KANSL1: variants seen among roughly 807,000 people sequenced by gnomAD.
The protein encoded by KANSL1 is MLL1/MLL complex subunit KANSL1.
In KANSL1, 22 loss-of-function variants were observed where a neutral mutation model predicts 103.6. That is an observed-to-expected ratio of 0.21 (90% CI 0.15 to 0.30). The LOEUF (loss-of-function observed/expected upper bound fraction) is 0.30. KANSL1 is among the 10% of genes least tolerant of loss of function. The probability of loss-of-function intolerance (pLI) is 1.00; values close to 1 mark genes in which losing one functional copy is unlikely to be tolerated. For synonymous variants in KANSL1, 600 were observed against 527.6 expected (o/e 1.14, Z -1.88); for missense variants, 1,337 against 1,399.8 (o/e 0.96, Z 0.72).
chr17:46,211,003 G>C (rs1019049740), intron 1 of KANSL1, among the ~76,000 whole-genome samples: 13 of 152,040 alleles, frequency 8.6e-5, no homozygotes, highest in Non-Finnish European at 1.9e-4. Flanking sequence ...TAACTAAAAA[G>C]GTGGTTCTTA....
chr17:46,066,548 G>C lies in KANSL1; in HGVS notation c.1837C>G (p.Leu613Val). 6.2e-7 allele frequency: 1 copy of C among 1,611,728 alleles called. No homozygotes were observed. Among genetic ancestry groups the C allele is most frequent in the Non-Finnish European group, 8.5e-7 (1 of 1,178,586 alleles). ...RLVRPNSIVPLSKKVHRNSTI... is the reference protein window; with the variant it reads ...RLVRPNSIVPVSKKVHRNSTI... ...TCATCTGTACCGACCTTCTTGGAAA[G>C]AGGAACGATGCTGTTGGGTCGAACA... The change falls in exon 6 of 15, where the codon CTT becomes GTT. Residue 613 changes from leucine to valine, a missense_variant. Leu to Val is a conservative substitution (Grantham distance 32). Transcript: ENST00000432791.
intron 1 of KANSL1, among the ~76,000 whole-genome samples, chr17:46,184,126 C>T: frequency 6.6e-6 from 1 of 152,108 alleles, no homozygotes; most frequent in East Asian, 1.9e-4. Context: ...ATGCCAGATA[C>T]AAGATAGTAA....
intron 1 of KANSL1, among the ~76,000 whole-genome samples, chr17:46,208,208 AT>A (rs1232656563): frequency 6.6e-6 from 1 of 152,232 alleles, no homozygotes; most frequent in African/African-American, 2.4e-5. Flanking sequence ...CATGCTATCA[AT>A]TTGCACCAAA....
intron 6 of KANSL1, among the ~76,000 whole-genome samples, chr17:46,060,939 A>G (rs2078137166): frequency 6.6e-6 from 1 of 152,232 alleles, no homozygotes; most frequent in African/African-American, 2.4e-5. Context: ...TATGACAACA[A>G]GGACTACAAA....
chr17:46,185,730 C>T (rs2047000383), intron 1 of KANSL1, among the ~76,000 whole-genome samples: 1 of 146,918 alleles, frequency 6.8e-6, no homozygotes, highest in African/African-American at 2.5e-5. Context: ...CACACACACA[C>T]ACACGGATAG....
chr17:46,198,239 TC>T (rs2047677903), upstream of KANSL1, among the ~76,000 whole-genome samples: 2 of 152,104 alleles, frequency 1.3e-5, no homozygotes, highest in Admixed American at 1.3e-4. Context: ...CGTATTCTGC[TC>T]TGTAAAATGG....
At chr17:46,103,693 T>A (rs2042413404) in intron 2 of KANSL1, among the ~76,000 whole-genome samples, 1 of 152,210 alleles carries the variant, frequency 6.6e-6, no homozygotes, top group Admixed American at 6.5e-5. Flanking sequence ...TTACTGACTG[T>A]GCCTTTAACA....
intron 7 of KANSL1, chr17:46,042,468 G>A (rs1026021513): frequency 2.0e-5 from 3 of 152,050 alleles, no homozygotes; most frequent in African/African-American, 7.3e-5. Context: ...TATGTCCAAG[G>A]TTACATAGTT....
At chr17:46,068,523 C>G (rs575321469) in intron 4 of KANSL1, among the ~76,000 whole-genome samples, 27 of 152,218 alleles carry the variant, frequency 1.8e-4, no homozygotes, top group Admixed American at 1.4e-3. Flanking sequence ...GAGCCATGAT[C>G]ATGCCACTGC....
At chr17:46,206,839 T>C (rs2047984703) in intron 1 of KANSL1, among the ~76,000 whole-genome samples, 1 of 152,206 alleles carries the variant, frequency 6.6e-6, no homozygotes. Flanking sequence ...AATTATAACA[T>C]TTTGTACATT....
intron 1 of KANSL1, among the ~76,000 whole-genome samples, chr17:46,190,302 T>C (rs912898024): frequency 6.6e-6 from 1 of 152,222 alleles, no homozygotes; most frequent in Non-Finnish European, 1.5e-5. Context: ...AGAATTTTCC[T>C]CAACAGGAAA....
chr17:46,054,906 A>G (rs930103720), intron 6 of KANSL1, among the ~76,000 whole-genome samples: 3 of 149,128 alleles, frequency 2.0e-5, no homozygotes, highest in African/African-American at 7.4e-5. Context: ...GCTGGAGTGC[A>G]GTGGTGGGAT....
intron 3 of KANSL1, among the ~76,000 whole-genome samples, chr17:46,086,912 G>A (rs1036491157): frequency 3.3e-5 from 5 of 152,222 alleles, no homozygotes; most frequent in Middle Eastern, 6.8e-3. Flanking sequence ...TACTACAGGC[G>A]CATACCACCA....
intron 7 of KANSL1, among the ~76,000 whole-genome samples, chr17:46,049,011 G>A (rs973128715): frequency 2.0e-5 from 3 of 152,146 alleles, no homozygotes; most frequent in Non-Finnish European, 4.4e-5. Flanking sequence ...AAGAGTTAGA[G>A]GGAAATCTCT....
chr17:46,046,114 A>C (rs1212404377), intron 7 of KANSL1: 1 of 152,242 alleles, frequency 6.6e-6, no homozygotes, highest in East Asian at 1.9e-4. Context: ...AGTAAAAGGA[A>C]GGACAGGCAT....
Position 46,034,650 on chromosome 17 carries a change from T to G in KANSL1, c.2542-365A>C, listed in dbSNP as rs1050131947. 1.7e-5 allele frequency: 4 copies of G among 230,768 alleles called. No individual in the cohort carries two copies. The Admixed American group carries it at 2.2e-4, about 13-fold the overall frequency. 14.3% of individuals were successfully genotyped at this position (230,768 alleles called of 1,614,324 possible). A position where few individuals can be genotyped will look rare whatever the true frequency, so the allele number is the denominator to read the frequency against. On this transcript the variant is annotated intron_variant, in intron 10 of 14. Transcript: ENST00000432791. ...CCTTTTACAATCTTTATTTCCTTCC[T>G]TTATCCCCGTTTATGACTTAAGACT...
chr17:46,102,124 G>A (rs1287529537), intron 2 of KANSL1, among the ~76,000 whole-genome samples: 1 of 152,200 alleles, frequency 6.6e-6, no homozygotes, highest in South Asian at 2.1e-4. Context: ...CATTTTAGTT[G>A]TAAAGTAAAA....
In KANSL1 at chr17:46,031,414, CAG is replaced by C. The variant is rs2077001303; in HGVS notation, c.*60_*61del. On this transcript the variant is annotated 3_prime_UTR_variant, in exon 15 of 15. Coordinates refer to ENST00000432791, the MANE Select transcript of KANSL1 (RefSeq NM_015443.4). Reference sequence around the variant, plus strand: ...GCATATGATGTTTGAATATCAAACGCAGAGATTTCTGAAGCTTTAATGCCAAT... The same window carrying C: ...GCATATGATGTTTGAATATCAAACGCAGATTTCTGAAGCTTTAATGCCAAT... 9.7e-6 allele frequency: 14 copies of C among 1,443,682 alleles called. No individual in the cohort carries two copies. Among genetic ancestry groups the C allele is most frequent in the Non-Finnish European group, 1.1e-5 (12 of 1,065,378 alleles). The allele number at this position is 1,443,682 out of a possible 1,614,324, so 89.4% of individuals were successfully genotyped here.
At chr17:46,125,085 A>AGAGGGAGGGAGAGAGG (rs2043484974) in intron 2 of KANSL1, among the ~76,000 whole-genome samples, 1 of 33,936 alleles carries the variant, frequency 2.9e-5, no homozygotes, top group African/African-American at 1.7e-4. Flanking sequence ...AGGGAGGGAG[A>AGAGGGAGGGAGAGAGG]GAGGGAGGGA....
Sources: allele counts gnomAD v4.1 joint callset (sites outside exome capture counted in the v4.1 genomes callset), GRCh38; gene constraint gnomAD v4.1.1; transcripts MANE v1.5; gene names NCBI Gene and HGNC (gene_info 2026-07-23, HGNC 2026-07-21).